The following SIMC1 variants were observed in gnomAD, a reference collection of about 807,000 sequenced individuals.
The protein encoded by SIMC1 is SUMO interacting motifs containing 1.
In SIMC1, 55 loss-of-function variants were observed where a neutral mutation model predicts 82.3. The observed-to-expected ratio is 0.67, with a 90% CI of 0.54 to 0.84. SIMC1 has a LOEUF of 0.84. SIMC1 is among the 40% of genes least tolerant of loss of function. SIMC1 has a pLI of 0.00. For missense variants in SIMC1, 915 were observed against 1,107.2 expected (o/e 0.83, Z 2.46); for synonymous variants, 353 against 426.3 (o/e 0.83, Z 2.12).
At chr5:176,308,431 C>G in intron 4 of SIMC1, 1 of 1,607,470 alleles carries the variant, frequency 6.2e-7, no homozygotes, top group Non-Finnish European at 8.5e-7. Context: ...TGGTATCATT[C>G]CCATCCTCAT....
intron 1 of SIMC1, among the ~76,000 whole-genome samples, chr5:176,285,173 A>G (rs935154681): frequency 1.3e-5 from 2 of 152,194 alleles, no homozygotes; most frequent in Non-Finnish European, 2.9e-5. Flanking sequence ...AGCCGGGCAG[A>G]GACACAACCA....
chr5:176,286,674 C>T (rs1356280956), intron 1 of SIMC1, among the ~76,000 whole-genome samples: 2 of 152,250 alleles, frequency 1.3e-5, no homozygotes, highest in Non-Finnish European at 2.9e-5. Flanking sequence ...GCAAAAGAAA[C>T]TACCATCAGA....
intron 1 of SIMC1, among the ~76,000 whole-genome samples, chr5:176,288,423 GAATAAATAAATA>G (rs150243423): frequency 2.3e-4 from 29 of 126,798 alleles, no homozygotes; most frequent in Middle Eastern, 4.1e-3. Context: ...ATGAATGAAT[GAATAAATAAATA>G]AATAAATAAA....
At chr5:176,245,800 TAATTG>T (rs1367921157) in intron 1 of SIMC1, among the ~76,000 whole-genome samples, 14 of 152,140 alleles carry the variant, frequency 9.2e-5, no homozygotes, top group African/African-American at 2.9e-4. Context: ...GAGGATTACA[TAATTG>T]TTTTGAGATA....
chr5:176,286,239 C>G (rs1317982930), intron 1 of SIMC1, among the ~76,000 whole-genome samples: 3 of 152,138 alleles, frequency 2.0e-5, no homozygotes, highest in Non-Finnish European at 4.4e-5. Context: ...TCAAGCTATA[C>G]TACAAGGCTA....
At chr5:176,269,750 T>A (rs1029433936) in intron 1 of SIMC1, among the ~76,000 whole-genome samples, 2 of 150,234 alleles carry the variant, frequency 1.3e-5, no homozygotes, top group African/African-American at 4.9e-5. Flanking sequence ...AACATGCAAA[T>A]TTTTTTTTTC....
At chr5:176,257,138 A>G (rs908056572) in intron 1 of SIMC1, among the ~76,000 whole-genome samples, 6 of 152,150 alleles carry the variant, frequency 3.9e-5, no homozygotes, top group African/African-American at 1.2e-4. Context: ...TCTTTATTCA[A>G]TAGCATAACT....
At chr5:176,250,765 C>T (rs574637292) in intron 1 of SIMC1, among the ~76,000 whole-genome samples, 169 of 152,320 alleles carry the variant, frequency 1.1e-3, no homozygotes, top group African/African-American at 4.0e-3. Flanking sequence ...TCTGTTTTAT[C>T]AGAGACTAGC....
chr5:176,316,438 G>A (rs1444214217), intron 5 of SIMC1, among the ~76,000 whole-genome samples: 1 of 151,206 alleles, frequency 6.6e-6, no homozygotes, highest in Non-Finnish European at 1.5e-5. Flanking sequence ...AGGCCAAGGT[G>A]GGCAGATCAC....
chr5:176,311,278 C>A (rs1233609357), intron 4 of SIMC1, among the ~76,000 whole-genome samples: 1 of 152,112 alleles, frequency 6.6e-6, no homozygotes, highest in Non-Finnish European at 1.5e-5. Context: ...TGCTCTGTCA[C>A]CCAGGCTGGA....
intron 1 of SIMC1, among the ~76,000 whole-genome samples, chr5:176,275,928 A>T (rs1762670209): frequency 6.6e-6 from 1 of 151,584 alleles, no homozygotes; most frequent in African/African-American, 2.4e-5. Context: ...TTGGTCTAAA[A>T]TTCTCTTTTT....
intron 1 of SIMC1, among the ~76,000 whole-genome samples, chr5:176,252,246 G>A (rs1177617748): frequency 1.3e-5 from 2 of 151,468 alleles, no homozygotes; most frequent in Non-Finnish European, 2.9e-5. Context: ...CGGACGGGGC[G>A]GCTGGCTAGG....
At chr5:176,247,945 T>C (rs1761504821) in intron 1 of SIMC1, among the ~76,000 whole-genome samples, 1 of 151,916 alleles carries the variant, frequency 6.6e-6, no homozygotes, top group African/African-American at 2.4e-5. Flanking sequence ...CTGAGGCCTT[T>C]GTTCTGTTCC....
Position 176,287,680 on chromosome 5 carries a change from T to TA in SIMC1, c.130-1967dup, listed in dbSNP as rs1239181320. Among the ~76,000 whole-genome samples, 6 of 140,998 alleles carry TA rather than the reference T, an allele frequency of 4.3e-5. No individual in the cohort carries two copies. In the East Asian group the frequency reaches 1.0e-3, roughly 24 times the overall value. 92.5% of individuals were successfully genotyped at this position (140,998 alleles called of 152,430 possible). A position where few individuals can be genotyped will look rare whatever the true frequency, so the allele number is the denominator to read the frequency against. On this transcript the variant is annotated intron_variant, in intron 1 of 9. Transcript: ENST00000429602. ...TAAAAATAAAATGTAAGCAAACACT[T>TA]AAAAAAATAAAATAAATTGAAAGAA...
chr5:176,343,369 C>T (rs773229291), intron 9 of SIMC1, among the ~76,000 whole-genome samples: 1 of 152,174 alleles, frequency 6.6e-6, no homozygotes, highest in Non-Finnish European at 1.5e-5. Flanking sequence ...GTCTTCAAGT[C>T]CCCAGAACTC....
At chr5:176,336,063 G>A (rs1186445585) in intron 7 of SIMC1, among the ~76,000 whole-genome samples, 1 of 98,192 alleles carries the variant, frequency 1.0e-5, no homozygotes, top group South Asian at 3.3e-4. Context: ...GTGGGGTGAG[G>A]GATGAAGGGA....
At chr5:176,252,067 A>G (rs2113121956) in intron 1 of SIMC1, among the ~76,000 whole-genome samples, 1 of 152,266 alleles carries the variant, frequency 6.6e-6, no homozygotes, top group African/African-American at 2.4e-5. Flanking sequence ...CACCATTGTC[A>G]TCATGGCCCG....
At chr5:176,342,641 C>T (rs1049066029) in intron 9 of SIMC1, among the ~76,000 whole-genome samples, 1 of 152,154 alleles carries the variant, frequency 6.6e-6, no homozygotes, top group African/African-American at 2.4e-5. Flanking sequence ...GCATGCTTTT[C>T]CTCAGGACAT....
chr5:176,283,548 C>T (rs1581251732), intron 1 of SIMC1, among the ~76,000 whole-genome samples: 1 of 152,274 alleles, frequency 6.6e-6, no homozygotes, highest in African/African-American at 2.4e-5. Flanking sequence ...AAGGAAGAAC[C>T]GTTAGCAGCC....
Sources: allele counts gnomAD v4.1 joint callset (sites outside exome capture counted in the v4.1 genomes callset), GRCh38; gene constraint gnomAD v4.1.1; transcripts MANE v1.5; gene names NCBI Gene and HGNC (gene_info 2026-07-23, HGNC 2026-07-21).